Variants in CSNK1G1 observed in about 807,000 individuals in gnomAD.
CSNK1G1 encodes the protein casein kinase 1 gamma 1.
In CSNK1G1, 22 loss-of-function variants were observed where a neutral mutation model predicts 59.6. The ratio of observed to expected loss-of-function variants is 0.37; its 90% CI spans 0.26 to 0.53. CSNK1G1 has a LOEUF of 0.53. CSNK1G1 is among the 20% of genes least tolerant of loss of function. The pLI, the probability that CSNK1G1 is intolerant of heterozygous loss-of-function variation, is 0.89. For synonymous variants in CSNK1G1, 179 were observed against 177.1 expected (o/e 1.01, Z -0.08); for missense variants, 384 against 519.5 (o/e 0.74, Z 2.54).
At position 64,172,081 on chromosome 15, in the gene CSNK1G1, C is replaced by T. The variant is rs568334730; in HGVS notation, c.1215-96G>A. On this transcript the variant is annotated intron_variant, in intron 11 of 11. Transcript: ENST00000303052. ...GCTTACTGCAGGGGTGGAATTTTCC[C>T]CCTAGCACCCACCCATAGGGACCAC... The T allele has an allele frequency of 4.5e-6, 5 of 1,113,820 alleles. No individual in the cohort carries two copies. In the African/African-American group the frequency reaches 7.6e-5, roughly 17 times the overall value. 69.0% of individuals were successfully genotyped at this position (1,113,820 alleles called of 1,614,324 possible).
Position 64,214,091 on chromosome 15 carries a change from G to A in CSNK1G1, c.478C>T (p.Leu160Phe). Reference protein sequence around the residue: ...SRMEYVHSKNLIYRDVKPENF... With the variant: ...SRMEYVHSKNFIYRDVKPENF... ...TCTGGCTTGACATCTCGGTAAATGA[G>A]GTTCTTTGAGTGCACGTATTCCATT... The change falls in exon 6 of 12, where the codon CTC (leucine) becomes TTC (phenylalanine). Residue 160 changes from leucine to phenylalanine, a missense_variant. Around this residue, in one of 3 missense-constraint regions of CSNK1G1, gnomAD observed 325 missense variants for 440.9 expected, o/e 0.74. Transcript: ENST00000303052. The surrounding 1 kb of genome is among the most constrained non-coding windows in gnomAD (Gnocchi z 4.3). 1 of 1,613,988 alleles carries A rather than the reference G, an allele frequency of 6.2e-7. No individual in the cohort carries two copies. Among genetic ancestry groups the A allele is most frequent in the South Asian group, 1.1e-5 (1 of 91,074 alleles).
intron 2 of CSNK1G1, among the ~76,000 whole-genome samples, chr15:64,289,067 C>T (rs1032995836): frequency 6.6e-6 from 1 of 151,780 alleles, no homozygotes; most frequent in African/African-American, 2.4e-5. Context: ...CCCAGCCACT[C>T]CAGAGGCTGA....
rs759270021 is a variant in CSNK1G1, at chr15:64,169,185, G to A, written c.*2746C>T. ...GGGCTGAAGAGAGGCACTCAGTAGA[G>A]TATAGAGTGCCAGGATGCTCCAGGC... is the stretch of plus-strand genomic sequence containing the variant. On this transcript the variant is annotated 3_prime_UTR_variant, in exon 12 of 12. Coordinates refer to ENST00000303052, the MANE Select transcript of CSNK1G1 (RefSeq NM_022048.5). 5 of 152,422 alleles carry A rather than the reference G, an allele frequency of 3.3e-5. No individual in the cohort carries two copies. Among genetic ancestry groups the A allele is most frequent in the Non-Finnish European group, 7.3e-5 (5 of 68,096 alleles). 9.4% of individuals were successfully genotyped at this position (152,422 alleles called of 1,614,324 possible). A position where few individuals can be genotyped will look rare whatever the true frequency, so the allele number is the denominator to read the frequency against.
intron 11 of CSNK1G1, among the ~76,000 whole-genome samples, chr15:64,177,853 AT>A (rs2081759433): frequency 1.3e-5 from 2 of 152,256 alleles, no homozygotes; most frequent in South Asian, 4.1e-4. Flanking sequence ...TGATTACTGC[AT>A]TCAAAGTATA....
chr15:64,310,630 T>C (rs1490414828), intron 1 of CSNK1G1, among the ~76,000 whole-genome samples: 1 of 151,650 alleles, frequency 6.6e-6, no homozygotes, highest in Non-Finnish European at 1.5e-5. Context: ...GGTGAAAGGA[T>C]CCCTTGAGCC....
intron 10 of CSNK1G1, among the ~76,000 whole-genome samples, chr15:64,198,194 T>C (rs1228820033): frequency 7.8e-6 from 1 of 127,502 alleles, no homozygotes; most frequent in African/African-American, 2.7e-5. Flanking sequence ...AGGATATACT[T>C]TTTTTTTTTT....
chr15:64,224,267 C>T (rs1325416302), intron 4 of CSNK1G1, among the ~76,000 whole-genome samples: 2 of 152,124 alleles, frequency 1.3e-5, no homozygotes, highest in Non-Finnish European at 2.9e-5. Context: ...TCTAGCACAA[C>T]TACTAAATGC....
chr15:64,178,194 T>C (rs999915065), intron 11 of CSNK1G1, among the ~76,000 whole-genome samples: 32 of 152,180 alleles, frequency 2.1e-4, no homozygotes, highest in African/African-American at 7.5e-4. Flanking sequence ...ATATTGTTTA[T>C]TTAAGATAAT....
chr15:64,189,211 A>G, intron 10 of CSNK1G1: 1 of 377,792 alleles, frequency 2.6e-6, no homozygotes, highest in Non-Finnish European at 3.7e-6. Context: ...CTGAATTAGA[A>G]AAAGTTTACT....
chr15:64,188,728 C>T lies in CSNK1G1; in HGVS notation c.1108-8274G>A, dbSNP rs960874487. On this transcript the variant is annotated intron_variant, in intron 10 of 11. Transcript: ENST00000303052. This position sits in a 1 kb window ranked among gnomAD's most constrained non-coding sequence, Gnocchi z 4.2. ...TTACCCAGAACCAGAAAACCAATAA[C>T]GACCAAAAGAGGAGGGAGGGGGAAA... is the stretch of plus-strand genomic sequence containing the variant. Among the ~76,000 whole-genome samples, 3 of 147,728 alleles carry T rather than the reference C, an allele frequency of 2.0e-5. No individual in the cohort carries two copies. The highest frequency in any genetic ancestry group is 4.8e-5 in the African/African-American group (2 of 41,314).
chr15:64,204,493 T>C lies in CSNK1G1; in HGVS notation c.947A>G (p.Glu316Gly), dbSNP rs745469482. The C allele has an allele frequency of 5.6e-6, 9 of 1,613,638 alleles. No homozygotes were observed. The East Asian group carries it at 1.3e-4, about 24-fold the overall frequency. Residue 316 changes from glutamate (E) to glycine (G), a missense_variant, in exon 9 of 12, where the codon GAA (glutamate) becomes GGA (glycine). Around this residue, in one of 3 missense-constraint regions of CSNK1G1, gnomAD observed 325 missense variants for 440.9 expected, o/e 0.74. Coordinates refer to ENST00000303052, the MANE Select transcript of CSNK1G1 (RefSeq NM_022048.5). ...YLRTLFTDLF[E>G]KKGYTFDYAY... ...ATAGTCAAAGGTGTAGCCTTTCTTT[T>C]CAAAGAGGTCTGTGAAGAGGGTCCG...
At chr15:64,267,272 A>G (rs1359050560) in intron 2 of CSNK1G1, among the ~76,000 whole-genome samples, 4 of 150,930 alleles carry the variant, frequency 2.7e-5, no homozygotes, top group South Asian at 2.1e-4. Flanking sequence ...AAAAAAAAAA[A>G]AAAGAAAAGA....
chr15:64,278,394 G>GTC (rs1893894778), intron 2 of CSNK1G1, among the ~76,000 whole-genome samples: 1 of 127,014 alleles, frequency 7.9e-6, no homozygotes. Flanking sequence ...GTGTGTGTGT[G>GTC]TGTGTGTGTG....
chr15:64,233,303 A>C (rs1324905145), intron 4 of CSNK1G1, among the ~76,000 whole-genome samples: 1 of 152,194 alleles, frequency 6.6e-6, no homozygotes, highest in Non-Finnish European at 1.5e-5. Flanking sequence ...AAAATGTGTA[A>C]AATAGAAATG....
chr15:64,183,970 C>A (rs2081854915), intron 10 of CSNK1G1, among the ~76,000 whole-genome samples: 1 of 152,124 alleles, frequency 6.6e-6, no homozygotes, highest in African/African-American at 2.4e-5. Context: ...CTCCTGACCC[C>A]AAGTGATCTG....
chr15:64,274,715 G>A (rs925080368), intron 2 of CSNK1G1, among the ~76,000 whole-genome samples: 1 of 152,142 alleles, frequency 6.6e-6, no homozygotes, highest in Admixed American at 6.6e-5. Context: ...TCCTGTTTCT[G>A]TAAGTCACCT....
intron 1 of CSNK1G1, among the ~76,000 whole-genome samples, chr15:64,323,842 C>T (rs1896697692): frequency 6.6e-6 from 1 of 152,104 alleles, no homozygotes; most frequent in Admixed American, 6.5e-5. Flanking sequence ...CTCTCTTTTC[C>T]CAGCTGATTT....
chr15:64,283,342 C>CA (rs1894244852), intron 2 of CSNK1G1, among the ~76,000 whole-genome samples: 1 of 144,778 alleles, frequency 6.9e-6, no homozygotes, highest in Non-Finnish European at 1.5e-5. Context: ...TTTTAAGTTT[C>CA]TTTTTTTTTT....
At chr15:64,179,449 T>C (rs765054976) in intron 11 of CSNK1G1, among the ~76,000 whole-genome samples, 1 of 151,892 alleles carries the variant, frequency 6.6e-6, no homozygotes, top group Non-Finnish European at 1.5e-5. Context: ...TCACTATAAA[T>C]ACGTTGTCTG....
Sources: gnomAD v4.1 joint callset for allele counts (sites outside exome capture counted in the v4.1 genomes callset) on GRCh38, gnomAD v4.1.1 for gene constraint, gnomAD v4.1.1 regional missense constraint, Gnocchi (gnomAD v3.1) non-coding constraint, MANE v1.5 for transcripts, NCBI Gene and HGNC (gene_info 2026-07-23, HGNC 2026-07-21) for gene names.